Variants in ACTR3C observed in about 807,000 individuals in gnomAD.
ACTR3C encodes the protein actin related protein 3C.
In ACTR3C, 18 loss-of-function variants were observed where a neutral mutation model predicts 26.3. The ratio of observed to expected loss-of-function variants is 0.68; its 90% CI spans 0.47 to 1.01. ACTR3C has a LOEUF of 1.01. Ranked by LOEUF, ACTR3C falls within the 50% of genes least tolerant of loss-of-function variation. ACTR3C has a pLI of 0.00. For missense variants in ACTR3C, 184 were observed against 250.7 expected, an observed-to-expected ratio of 0.73 and a Z score of 1.80; for synonymous variants, 55 against 94.5, an observed-to-expected ratio of 0.58 and a Z score of 2.42.
chr7:150,120,184 C>A, the ACTR3C span, among the ~76,000 whole-genome samples: 3 of 152,078 alleles, frequency 2.0e-5, no homozygotes, highest in East Asian at 5.8e-4. Flanking sequence ...ACTAGAAAAG[C>A]AAGAGCAAAC....
At chr7:149,908,615 T>G in the ACTR3C span, among the ~76,000 whole-genome samples, 1 of 152,236 alleles carries the variant, frequency 6.6e-6, no homozygotes, top group African/African-American at 2.4e-5. Context: ...AGCCTGTTAT[T>G]ACAACATCGT....
At chr7:150,230,747 T>C in the ACTR3C span, among the ~76,000 whole-genome samples, 1 of 152,218 alleles carries the variant, frequency 6.6e-6, no homozygotes. Flanking sequence ...ACCACTGATC[T>C]CAGCCATCAA....
chr7:150,034,459 T>G, the ACTR3C span, among the ~76,000 whole-genome samples: 1 of 151,284 alleles, frequency 6.6e-6, no homozygotes, highest in Non-Finnish European at 1.5e-5. Flanking sequence ...GATCCCCATT[T>G]CAAAACTTCC....
At chr7:150,096,266 C>T in the ACTR3C span, among the ~76,000 whole-genome samples, 2 of 150,514 alleles carry the variant, frequency 1.3e-5, no homozygotes, top group African/African-American at 5.0e-5. Context: ...TATCTCCCCA[C>T]CAAAATGTCT....
the ACTR3C span, among the ~76,000 whole-genome samples, chr7:149,928,189 CT>C: frequency 2.1e-5 from 3 of 143,638 alleles, no homozygotes; most frequent in Admixed American, 1.4e-4. Flanking sequence ...TCCTTGCTTT[CT>C]TTTTTTCTTT....
the ACTR3C span, among the ~76,000 whole-genome samples, chr7:149,915,500 C>T: frequency 2.2e-5 from 3 of 137,300 alleles, no homozygotes; most frequent in African/African-American, 8.2e-5. Context: ...TAATCTTACA[C>T]AGGAAGAGTC....
the ACTR3C span, among the ~76,000 whole-genome samples, chr7:150,150,958 T>C: frequency 7.3e-6 from 1 of 137,798 alleles, no homozygotes; most frequent in African/African-American, 2.5e-5. Flanking sequence ...ACTAAATATA[T>C]TAACATAGGA....
the ACTR3C span, among the ~76,000 whole-genome samples, chr7:150,119,023 A>G: frequency 6.6e-6 from 1 of 152,320 alleles, no homozygotes; most frequent in South Asian, 2.1e-4. Context: ...AATCCTTTAC[A>G]GACAAGCAAA....
the ACTR3C span, among the ~76,000 whole-genome samples, chr7:150,042,479 T>G: frequency 3.4e-5 from 4 of 118,860 alleles, no homozygotes; most frequent in African/African-American, 1.2e-4. Context: ...AAGGGGGAGG[T>G]TCGCAGTCCC....
chr7:149,970,320 T>G, the ACTR3C span, among the ~76,000 whole-genome samples: 1 of 151,748 alleles, frequency 6.6e-6, no homozygotes, highest in African/African-American at 2.4e-5. Context: ...CGAATCGTGA[T>G]GCTCGATGGA....
At chr7:150,023,882 T>C in the ACTR3C span, among the ~76,000 whole-genome samples, 1 of 126,794 alleles carries the variant, frequency 7.9e-6, no homozygotes, top group Non-Finnish European at 1.7e-5. Flanking sequence ...ATCACAGATA[T>C]AGGTCCAGGG....
chr7:150,039,764 G>T, the ACTR3C span, among the ~76,000 whole-genome samples: 1 of 142,084 alleles, frequency 7.0e-6, no homozygotes, highest in Non-Finnish European at 1.6e-5. Context: ...CTGCGATGGG[G>T]GTCCCCAGAG....
chr7:150,088,231 G>T, the ACTR3C span, among the ~76,000 whole-genome samples: 1 of 152,310 alleles, frequency 6.6e-6, no homozygotes, highest in South Asian at 2.1e-4. Context: ...TGCATTTGGT[G>T]TCACATCTAA....
At chr7:150,039,014 A>G in the ACTR3C span, among the ~76,000 whole-genome samples, 16 of 96,776 alleles carry the variant, frequency 1.7e-4, 1 homozygote, top group African/African-American at 6.8e-4. Flanking sequence ...GGCGGGGAAG[A>G]GGGTCTGGCT....
the ACTR3C span, among the ~76,000 whole-genome samples, chr7:150,006,405 G>T: frequency 3.5e-4 from 52 of 147,656 alleles, no homozygotes; most frequent in African/African-American, 1.3e-3. Context: ...CACTGTGTTA[G>T]CCAGGATGGT....
chr7:149,952,976 G>A, the ACTR3C span, among the ~76,000 whole-genome samples: 4 of 151,732 alleles, frequency 2.6e-5, no homozygotes, highest in African/African-American at 9.7e-5. Flanking sequence ...TTATCCTAAG[G>A]AAATTATTTA....
the ACTR3C span, among the ~76,000 whole-genome samples, chr7:149,916,821 AC>A: frequency 2.0e-5 from 3 of 151,578 alleles, no homozygotes; most frequent in East Asian, 5.8e-4. Flanking sequence ...CTTTTCTCAT[AC>A]AGAAATCAGG....
chr7:150,319,667 T>G (rs1340009939), intron 1 of ACTR3C, among the ~76,000 whole-genome samples: 4 of 152,232 alleles, frequency 2.6e-5, no homozygotes, highest in Non-Finnish European at 5.9e-5. Context: ...TTTATTTATT[T>G]ATTGTTTGTT....
chr7:150,015,489 C>T, the ACTR3C span, among the ~76,000 whole-genome samples: 1 of 152,156 alleles, frequency 6.6e-6, no homozygotes, highest in African/African-American at 2.4e-5. Context: ...TATTTGCTAA[C>T]GTCAAGAGCT....
Sources: allele counts gnomAD v4.1 joint callset (sites outside exome capture counted in the v4.1 genomes callset), GRCh38; gene constraint gnomAD v4.1.1; transcripts MANE v1.5; gene names NCBI Gene and HGNC (gene_info 2026-07-23, HGNC 2026-07-21).